Variants in SHB observed in about 807,000 individuals in gnomAD.
SHB encodes SH2 domain containing adaptor protein B, also known as SH2 domain-containing adapter protein B.
In SHB, 20 loss-of-function variants were observed where a neutral mutation model predicts 52.3. The ratio of observed to expected loss-of-function variants is 0.38; its 90% confidence interval spans 0.27 to 0.56. The LOEUF (loss-of-function observed/expected upper bound fraction) is 0.56. Among genes scored for constraint, SHB ranks in the 20% least tolerant of loss-of-function variants. The pLI is 0.71. For missense variants in SHB, 825 were observed against 723.3 expected (o/e 1.14, Z -1.61); for synonymous variants, 397 against 316.5 (o/e 1.25, Z -2.70).
At chr9:38,036,686 T>C (rs1489152913) in intron 1 of SHB, among the ~76,000 whole-genome samples, 1 of 152,124 alleles carries the variant, frequency 6.6e-6, no homozygotes, top group Non-Finnish European at 1.5e-5. Context: ...CTCTCTGGGG[T>C]TCTCTCCATT....
rs1821204227 is a variant in SHB at position 38,015,959 on chromosome 9, T to C, written c.838+52A>G. On this transcript the variant is annotated intron_variant, in intron 2 of 5. Coordinates refer to ENST00000377707, the MANE Select transcript of SHB (RefSeq NM_003028.3). The stretch of plus-strand genomic sequence containing the variant: ...ACCACCCGGCAGTGCCCTCACTCCC[T>C]TTCTACCCCTACAACCCCAGCTGTG... The C allele has an allele frequency of 1.9e-6, 3 of 1,598,438 alleles. No individual in the cohort carries two copies. The Admixed American group carries it at 5.1e-5, about 27-fold the overall frequency.
Position 37,964,535 on chromosome 9 carries a change from G to A in SHB, c.1055-8481C>T, listed in dbSNP as rs372178292. Among the ~76,000 whole-genome samples the A allele has an allele frequency of 9.9e-5, 15 of 152,244 alleles. No individual in the cohort carries two copies. In the East Asian group the frequency reaches 2.7e-3, roughly 27 times the overall value. On this transcript the variant is annotated intron_variant, in intron 3 of 5. Transcript: ENST00000377707. ...TAACCCGAACGCAGAGGCCTCTACG[G>A]CTGCCAAAGCAAGCCATATTTATTG... is the stretch of plus-strand genomic sequence containing the variant.
At chr9:37,944,022 CT>C (rs1449196137) in intron 5 of SHB, among the ~76,000 whole-genome samples, 1 of 152,228 alleles carries the variant, frequency 6.6e-6, no homozygotes, top group Non-Finnish European at 1.5e-5. Context: ...CAGCTCAACC[CT>C]TTGCTCCCTG....
intron 1 of SHB, among the ~76,000 whole-genome samples, chr9:38,060,596 G>C (rs1821880168): frequency 6.6e-6 from 1 of 152,214 alleles, no homozygotes; most frequent in Non-Finnish European, 1.5e-5. Context: ...GAGGAGTAAA[G>C]TTACATACAA....
At chr9:38,003,925 GGGCCTCCTGGCTCCA>G (rs1466096584) in intron 2 of SHB, among the ~76,000 whole-genome samples, 3 of 152,202 alleles carry the variant, frequency 2.0e-5, no homozygotes, top group Non-Finnish European at 4.4e-5. Context: ...CTGTTGCTGG[GGGCCTCCTGGCTCCA>G]GGCCTCTGCT....
rs767062610 is a variant in SHB, at chr9:37,974,747, G to C, written c.929C>G (p.Ser310Ter). The C allele has an allele frequency of 4.3e-6, 7 of 1,613,864 alleles. No homozygotes were observed. Among genetic ancestry groups the C allele is most frequent in the African/African-American group, 1.3e-5 (1 of 74,904 alleles). Residue 310 changes from serine (S) to a stop codon, truncating the protein, a stop_gained, in exon 3 of 6, where the codon TCA becomes TGA. Transcript: ENST00000377707. LOFTEE classifies it high-confidence loss of function. ...GGGGCTGACTGTGCTCTCCGAGTCT[G>C]AGTCAACACTTTGGCCTTCAGGTTC... ...PYEPEGQSVD[S>*]DSESTVSPRL...
At chr9:38,067,869 C>G in intron 1 of SHB, 60 bp downstream of exon 1, 1 of 1,400,358 alleles carries the variant, frequency 7.1e-7, no homozygotes, top group East Asian at 3.0e-5. Context: ...GCGGGTGCCT[C>G]GGTTTCCCCG....
chr9:38,035,908 C>T (rs1021090970), intron 1 of SHB, among the ~76,000 whole-genome samples: 1 of 152,064 alleles, frequency 6.6e-6, no homozygotes, highest in African/African-American at 2.4e-5. Flanking sequence ...TCTAAAAGCT[C>T]CCCTAGGAGC....
chr9:37,962,724 C>G (rs1832707188), intron 3 of SHB, among the ~76,000 whole-genome samples: 1 of 151,840 alleles, frequency 6.6e-6, no homozygotes, highest in African/African-American at 2.4e-5. Flanking sequence ...CTTACCCAGG[C>G]TGGTCTTGAA....
chr9:38,015,978 A>G (rs1564102386), intron 2 of SHB, 33 bp downstream of exon 2: 9 of 1,611,016 alleles, frequency 5.6e-6, no homozygotes, highest in African/African-American at 4.0e-5. Context: ...CTACAACCCC[A>G]GCTGTGAGCC....
At chr9:37,962,333 C>T (rs972975542) in intron 3 of SHB, among the ~76,000 whole-genome samples, 3 of 152,080 alleles carry the variant, frequency 2.0e-5, no homozygotes, top group Non-Finnish European at 4.4e-5. Flanking sequence ...GCTAAATTCC[C>T]GATACCTAAA....
Position 38,032,218 on chromosome 9 carries a change from G to A in SHB, c.718-16087C>T, listed in dbSNP as rs146106114. ...CAGGCTCTTGGCTCTGTGCTTTCAC[G>A]TACATCATCGTATTTCATCCTTCCT... On this transcript the variant is annotated intron_variant, in intron 1 of 5. Transcript: ENST00000377707. Among the ~76,000 whole-genome samples the A allele has an allele frequency of 9.2e-5, 14 of 152,290 alleles. No homozygotes were observed. In the East Asian group the frequency reaches 1.7e-3, roughly 19 times the overall value.
chr9:37,955,563 A>G (rs1832619287), intron 4 of SHB, among the ~76,000 whole-genome samples: 1 of 152,096 alleles, frequency 6.6e-6, no homozygotes, highest in South Asian at 2.1e-4. Flanking sequence ...ACACAGCCTC[A>G]ACCTCCTGGC....
chr9:38,066,944 AAGG>A (rs1183340109), intron 1 of SHB, among the ~76,000 whole-genome samples: 3 of 152,016 alleles, frequency 2.0e-5, no homozygotes, highest in Non-Finnish European at 4.4e-5. Flanking sequence ...GCTGAGAAGG[AAGG>A]AGCTCTCCCA....
At chr9:38,049,511 T>A (rs1821707732) in intron 1 of SHB, among the ~76,000 whole-genome samples, 1 of 151,444 alleles carries the variant, frequency 6.6e-6, no homozygotes, top group Admixed American at 6.6e-5. Flanking sequence ...CTTGGGAGGC[T>A]GAGACAGAAG....
At chr9:38,011,674 G>A (rs1821144733) in intron 2 of SHB, among the ~76,000 whole-genome samples, 1 of 152,168 alleles carries the variant, frequency 6.6e-6, no homozygotes, top group African/African-American at 2.4e-5. Flanking sequence ...CCCAATGCTG[G>A]CTGTCTTGCC....
Position 37,948,646 on chromosome 9 carries a change from G to A in SHB, c.1335C>T (p.Ser445=). The A allele has an allele frequency of 2.5e-6, 4 of 1,613,682 alleles. No individual in the cohort carries two copies. Among genetic ancestry groups the A allele is most frequent in the Non-Finnish European group, 3.4e-6 (4 of 1,180,000 alleles). The change falls in exon 5 of 6, where the codon TCC becomes TCT. Residue 445 remains serine, a synonymous_variant. Transcript: ENST00000377707. ...RNSQTSKHDY[S]LSLRSNQGFM... The stretch of plus-strand genomic sequence containing the variant: ...GGGGCGGCACTCACCTCAGGGAGAG[G>A]GAGTAGTCATGCTTGCTGGTCTGGC...
intron 3 of SHB, among the ~76,000 whole-genome samples, chr9:37,962,308 T>G (rs1158772825): frequency 6.6e-6 from 1 of 152,084 alleles, no homozygotes; most frequent in African/African-American, 2.4e-5. Flanking sequence ...GGCATTTCAT[T>G]CTGTTTTGTT....
rs115357066 is a variant in SHB at position 38,008,370 on chromosome 9, C to A, written c.838+7641G>T. ...CACTGGGCTGGGTGTGTGAGCCCTG[C>A]TGTTTCTTAAGAATAGGAAAGTCAT... On this transcript the variant is annotated intron_variant, in intron 2 of 5. Coordinates refer to ENST00000377707, the MANE Select transcript of SHB (RefSeq NM_003028.3). Among the ~76,000 whole-genome samples, 919 of 152,330 alleles carry A rather than the reference C, an allele frequency of 6.0e-3. 12 individuals carry two copies. The highest frequency in any genetic ancestry group is 0.021 in the African/African-American group (881 of 41,570).
Sources: gnomAD v4.1 joint callset for allele counts (sites outside exome capture counted in the v4.1 genomes callset) on GRCh38, gnomAD v4.1.1 for gene constraint, MANE v1.5 for transcripts, NCBI Gene and HGNC (gene_info 2026-07-23, HGNC 2026-07-21) for gene names.